ANKFN1: variants seen among roughly 807,000 people sequenced by gnomAD.
The protein encoded by ANKFN1 is ankyrin repeat and fibronectin type III domain containing 1.
ANKFN1 carries 74 observed loss-of-function variants against 108.7 expected under a neutral mutation model. That is an observed-to-expected ratio of 0.68 (90% confidence interval 0.56 to 0.83). ANKFN1 has a LOEUF of 0.83. ANKFN1 is among the 40% of genes least tolerant of loss of function. ANKFN1 has a pLI of 0.00. For synonymous variants in ANKFN1, 547 were observed against 516.2 expected, an observed-to-expected ratio of 1.06 and a Z score of -0.81; for missense variants, 1,505 against 1,382.3, an observed-to-expected ratio of 1.09 and a Z score of -1.41.
At chr17:56,333,192 T>A (rs2144577323) in intron 4 of ANKFN1, among the ~76,000 whole-genome samples, 1 of 152,234 alleles carries the variant, frequency 6.6e-6, no homozygotes, top group South Asian at 2.1e-4. Context: ...CTGGCTAGGA[T>A]GCCCAGTACA....
chr17:56,282,517 G>A (rs2044110455), intron 3 of ANKFN1, among the ~76,000 whole-genome samples: 1 of 152,104 alleles, frequency 6.6e-6, no homozygotes, highest in Non-Finnish European at 1.5e-5. Context: ...TGTTATATAA[G>A]TACTATAAAG....
intron 15 of ANKFN1, 26 bp downstream of exon 15, chr17:56,466,597 G>A (rs201571341): frequency 1.1e-4 from 165 of 1,562,554 alleles, no homozygotes; most frequent in Admixed American, 2.8e-4. Flanking sequence ...CTTAATTCCC[G>A]GGTATACTTA....
At chr17:56,467,791 G>GAAAGAAGAAAGA (rs11414270) in intron 15 of ANKFN1, among the ~76,000 whole-genome samples, 46 of 54,916 alleles carry the variant, frequency 8.4e-4, no homozygotes, top group South Asian at 1.4e-3. Context: ...AAGAAAGAAA[G>GAAAGAAGAAAGA]AAGAAAGAAA....
At chr17:56,166,061 A>T (rs1899888205) in intron 1 of ANKFN1, among the ~76,000 whole-genome samples, 1 of 152,068 alleles carries the variant, frequency 6.6e-6, no homozygotes, top group Non-Finnish European at 1.5e-5. Context: ...CCTCTCACCT[A>T]CCAATAGTTC....
At chr17:56,098,869 A>ATGTGTG (rs113050013) in intron 4 of ANKFN1, among the ~76,000 whole-genome samples, 32,977 of 150,830 alleles carry the variant, frequency 0.22, 4,697 homozygotes, top group African/African-American at 0.41. Context: ...GCGTGTGTGC[A>ATGTGTG]TGTGTGTGTG....
At chr17:56,184,789 A>G (rs1794292461) in intron 1 of ANKFN1, 1 of 152,174 alleles carries the variant, frequency 6.6e-6, no homozygotes, top group African/African-American at 2.4e-5. Context: ...CTATTGTCTC[A>G]TCTGAGAAAT....
intron 8 of ANKFN1, among the ~76,000 whole-genome samples, chr17:56,377,092 C>T (rs1042950351): frequency 2.0e-5 from 3 of 152,188 alleles, no homozygotes; most frequent in Non-Finnish European, 4.4e-5. Context: ...AAGTTTACCC[C>T]TGCAGCATTT....
chr17:56,194,219 C>G (rs1361314130), intron 1 of ANKFN1, among the ~76,000 whole-genome samples: 3 of 152,182 alleles, frequency 2.0e-5, no homozygotes, highest in African/African-American at 7.2e-5. Context: ...TCTTACAAGA[C>G]CGAACATACT....
chr17:56,436,641 C>A (rs2048938502), intron 8 of ANKFN1, among the ~76,000 whole-genome samples: 2 of 151,936 alleles, frequency 1.3e-5, no homozygotes, highest in South Asian at 2.1e-4. Context: ...ACCAGCCTGA[C>A]TAACATGATG....
intron 1 of ANKFN1, among the ~76,000 whole-genome samples, chr17:56,210,116 C>T (rs925335251): frequency 2.8e-5 from 4 of 141,632 alleles, no homozygotes; most frequent in African/African-American, 7.8e-5. Context: ...ATAATGTATG[C>T]ATCACATTTT....
intron 2 of ANKFN1, among the ~76,000 whole-genome samples, chr17:56,215,114 C>T (rs1188011342): frequency 1.3e-5 from 2 of 152,324 alleles, no homozygotes; most frequent in East Asian, 3.9e-4. Context: ...CAAACTCCTG[C>T]CTCTGGTATA....
intron 16 of ANKFN1, among the ~76,000 whole-genome samples, chr17:56,479,560 A>G (rs911070233): frequency 2.0e-5 from 3 of 152,204 alleles, no homozygotes; most frequent in Non-Finnish European, 4.4e-5. Flanking sequence ...GTCCAGTGTG[A>G]TACTTGAAAT....
intron 3 of ANKFN1, among the ~76,000 whole-genome samples, chr17:56,258,880 T>C (rs1039958748): frequency 4.6e-5 from 7 of 152,044 alleles, no homozygotes; most frequent in African/African-American, 1.7e-4. Flanking sequence ...CACTGCACTC[T>C]GGCCTGGGTG....
At chr17:56,391,951 A>C (rs2144881053) in intron 8 of ANKFN1, among the ~76,000 whole-genome samples, 1 of 152,342 alleles carries the variant, frequency 6.6e-6, no homozygotes, top group African/African-American at 2.4e-5. Flanking sequence ...GACAGCTATT[A>C]CGTGTCAGAC....
At chr17:56,481,519 C>T (rs1381676094) in intron 17 of ANKFN1, among the ~76,000 whole-genome samples, 1 of 152,074 alleles carries the variant, frequency 6.6e-6, no homozygotes, top group Non-Finnish European at 1.5e-5. Flanking sequence ...CACGCACACA[C>T]ACACACATAA....
chr17:56,306,923 G>A (rs1363994899), intron 3 of ANKFN1, among the ~76,000 whole-genome samples: 8 of 152,038 alleles, frequency 5.3e-5, no homozygotes, highest in South Asian at 2.1e-4. Flanking sequence ...AAATAATGCC[G>A]CATATCTACA....
chr17:56,310,870 A>G (rs2045001411), intron 3 of ANKFN1, among the ~76,000 whole-genome samples: 1 of 151,950 alleles, frequency 6.6e-6, no homozygotes, highest in South Asian at 2.1e-4. Context: ...TCTAGAACTT[A>G]TTCAGCCTGT....
intron 4 of ANKFN1, among the ~76,000 whole-genome samples, chr17:56,047,453 C>T (rs992101243): frequency 6.6e-6 from 1 of 152,148 alleles, no homozygotes; most frequent in Non-Finnish European, 1.5e-5. Flanking sequence ...GAGTCTGAGG[C>T]ACTCTGCACT....
intron 3 of ANKFN1, among the ~76,000 whole-genome samples, chr17:56,267,040 C>T (rs1174359609): frequency 6.6e-6 from 1 of 152,130 alleles, no homozygotes; most frequent in African/African-American, 2.4e-5. Flanking sequence ...TTTCTCCACT[C>T]AATAGGTAGT....
Sources: gnomAD v4.1 joint callset for allele counts (sites outside exome capture counted in the v4.1 genomes callset) on GRCh38, gnomAD v4.1.1 for gene constraint, MANE v1.5 for transcripts, NCBI Gene and HGNC (gene_info 2026-07-23, HGNC 2026-07-21) for gene names.